Variants in NRXN3 observed in about 807,000 individuals in gnomAD.
The protein encoded by NRXN3 is neurexin III.
A neutral mutation model predicts 137.6 loss-of-function variants in NRXN3; 32 were observed. The ratio of observed to expected loss-of-function variants is 0.23; its 90% CI spans 0.18 to 0.31. The LOEUF (loss-of-function observed/expected upper bound fraction) is 0.31. Ranked by LOEUF, NRXN3 falls within the 10% of genes least tolerant of loss-of-function variation. The pLI, the probability that NRXN3 is intolerant of heterozygous loss-of-function variation, is 1.00. For missense variants in NRXN3, 1,574 were observed against 2,062.5 expected (o/e 0.76, Z 4.59); for synonymous variants, 798 against 784.5 (o/e 1.02, Z -0.29).
intron 4 of NRXN3, among the ~76,000 whole-genome samples, chr14:78,413,801 G>GA (rs59334172): frequency 0.97 from 148,108 of 152,246 alleles, 72,147 homozygotes; most frequent in Non-Finnish European, 1. Context: ...CCACTATAGT[G>GA]TTTGAGGTCA....
At chr14:78,252,934 G>T (rs2068877251) in intron 2 of NRXN3, among the ~76,000 whole-genome samples, 1 of 152,216 alleles carries the variant, frequency 6.6e-6, no homozygotes, top group Admixed American at 6.5e-5. Flanking sequence ...CAGGCTGGGA[G>T]TTTACCACAC....
At chr14:79,056,663 T>C (rs1219435659) in intron 15 of NRXN3, among the ~76,000 whole-genome samples, 1 of 152,158 alleles carries the variant, frequency 6.6e-6, no homozygotes, top group Non-Finnish European at 1.5e-5. Context: ...ATCTTATGAA[T>C]CTAGAGCTTA....
intron 15 of NRXN3, among the ~76,000 whole-genome samples, chr14:79,195,761 A>G (rs2065044711): frequency 6.6e-6 from 1 of 152,210 alleles, no homozygotes; most frequent in Admixed American, 6.5e-5. Context: ...ATACAATATA[A>G]GCTAATCGAT....
chr14:78,996,788 A>G (rs2099531112), intron 15 of NRXN3, among the ~76,000 whole-genome samples: 1 of 152,096 alleles, frequency 6.6e-6, no homozygotes, highest in Non-Finnish European at 1.5e-5. Flanking sequence ...ACAGATGCAA[A>G]AGAAACGTCA....
chr14:79,350,583 T>G (rs543773028), intron 15 of NRXN3, among the ~76,000 whole-genome samples: 2 of 152,308 alleles, frequency 1.3e-5, no homozygotes, highest in East Asian at 3.9e-4. Context: ...AAATCAGCCT[T>G]TGGCACACAT....
chr14:79,835,458 TTCTC>T (rs1448239631), intron 20 of NRXN3, among the ~76,000 whole-genome samples: 2 of 152,160 alleles, frequency 1.3e-5, no homozygotes, highest in South Asian at 2.1e-4. Context: ...AGAATAATAT[TTCTC>T]TCTAAATAGT....
chr14:79,768,490 G>C (rs978960964), intron 19 of NRXN3, among the ~76,000 whole-genome samples: 12 of 152,156 alleles, frequency 7.9e-5, no homozygotes, highest in Non-Finnish European at 1.6e-4. Flanking sequence ...GCCTAACTGG[G>C]AGGCACCCCC....
At chr14:78,918,851 G>A (rs1264501797) in intron 10 of NRXN3, among the ~76,000 whole-genome samples, 1 of 152,164 alleles carries the variant, frequency 6.6e-6, no homozygotes, top group African/African-American at 2.4e-5. Context: ...GTTCAGGTGT[G>A]TAGAGGTTAC....
At chr14:78,666,190 C>A (rs757050034) in intron 6 of NRXN3, among the ~76,000 whole-genome samples, 1 of 152,186 alleles carries the variant, frequency 6.6e-6, no homozygotes, top group Non-Finnish European at 1.5e-5. Flanking sequence ...TATATTCACA[C>A]GGTTGTACAC....
intron 10 of NRXN3, among the ~76,000 whole-genome samples, chr14:78,857,377 C>T (rs1402890600): frequency 6.6e-5 from 10 of 152,088 alleles, no homozygotes; most frequent in Admixed American, 5.2e-4. Context: ...GGTTGAAATT[C>T]GCAATCCATT....
rs2066007711 is a variant in NRXN3, at chr14:78,234,997, TATATATATA to T, written c.-703-7393_-703-7385del. 5.9e-4 allele frequency among the ~76,000 whole-genome samples: 14 copies of T among 23,892 alleles called. 1 individual carries two copies. The highest frequency in any genetic ancestry group is 5.8e-3 in the Admixed American group (11 of 1,910). 15.7% of individuals were successfully genotyped at this position (23,892 alleles called of 152,430 possible). On this transcript the variant is annotated intron_variant, in intron 1 of 20. Transcript: ENST00000335750. ...TATCTGGCAGCCACAAATGCTTTTA[TATATATATA>T]TATATATATATATATATGTGTATAT... is the stretch of plus-strand genomic sequence containing the variant.
At chr14:79,246,570 A>T (rs989005709) in intron 15 of NRXN3, 2 of 152,226 alleles carry the variant, frequency 1.3e-5, no homozygotes, top group African/African-American at 4.8e-5. Flanking sequence ...TTTAACACAC[A>T]CACACACTTC....
At chr14:78,446,062 A>G (rs1223460543) in intron 4 of NRXN3, among the ~76,000 whole-genome samples, 4 of 152,174 alleles carry the variant, frequency 2.6e-5, no homozygotes, top group African/African-American at 4.8e-5. Flanking sequence ...AAGGCACAGC[A>G]AGCTTGACAG....
At chr14:79,544,951 A>G (rs73326019) in intron 16 of NRXN3, among the ~76,000 whole-genome samples, 3,481 of 152,234 alleles carry the variant, frequency 0.023, 148 homozygotes, top group East Asian at 0.15. Flanking sequence ...ATAACCCACA[A>G]TTGAGGTCTA....
chr14:78,612,623 A>C (rs907345496), intron 4 of NRXN3, among the ~76,000 whole-genome samples: 3 of 152,210 alleles, frequency 2.0e-5, no homozygotes, highest in Admixed American at 6.5e-5. Context: ...TGGCTCTGCC[A>C]CTTGCCAGAT....
At chr14:79,402,215 C>T (rs370515735) in intron 15 of NRXN3, among the ~76,000 whole-genome samples, 22 of 152,272 alleles carry the variant, frequency 1.4e-4, no homozygotes, top group African/African-American at 4.3e-4. Flanking sequence ...GGATTACAGG[C>T]GTGAGCCACT....
At chr14:78,183,741 C>T (rs920611850) in intron 1 of NRXN3, among the ~76,000 whole-genome samples, 2 of 152,130 alleles carry the variant, frequency 1.3e-5, no homozygotes, top group African/African-American at 4.8e-5. Context: ...GGCAGGCTGG[C>T]TTTCTGTCTG....
At chr14:78,963,445 T>C (rs905099111) in intron 11 of NRXN3, among the ~76,000 whole-genome samples, 2 of 152,118 alleles carry the variant, frequency 1.3e-5, no homozygotes, top group African/African-American at 4.8e-5. Flanking sequence ...TGACTATGAC[T>C]CCCCCTCCCC....
chr14:79,629,102 T>C (rs1482393438), intron 16 of NRXN3, among the ~76,000 whole-genome samples: 1 of 152,222 alleles, frequency 6.6e-6, no homozygotes, highest in Admixed American at 6.5e-5. Flanking sequence ...CATTTAAAGG[T>C]GATGATTAAT....
Sources: allele counts gnomAD v4.1 joint callset (sites outside exome capture counted in the v4.1 genomes callset), GRCh38; gene constraint gnomAD v4.1.1; transcripts MANE v1.5; gene names NCBI Gene and HGNC (gene_info 2026-07-23, HGNC 2026-07-21).